Variants in TIAM1 observed in about 807,000 individuals in gnomAD.
TIAM1 encodes TIAM Rac1 associated GEF 1.
TIAM1 carries 65 observed loss-of-function variants against 163.5 expected under a neutral mutation model. The observed-to-expected ratio is 0.40, with a 90% CI of 0.33 to 0.49. The LOEUF is 0.49. Among genes scored for constraint, TIAM1 ranks in the 20% least tolerant of loss-of-function variants. The probability of loss-of-function intolerance (pLI) is 0.77; values close to 1 mark genes in which losing one functional copy is unlikely to be tolerated. For synonymous variants in TIAM1, 833 were observed against 810.1 expected, an observed-to-expected ratio of 1.03 and a Z score of -0.48; for missense variants, 1,789 against 2,044.7, an observed-to-expected ratio of 0.87 and a Z score of 2.41.
At chr21:31,247,999 A>G (rs11701552) in intron 5 of TIAM1, among the ~76,000 whole-genome samples, 8 of 152,164 alleles carry the variant, frequency 5.3e-5, no homozygotes, top group South Asian at 2.1e-4. Flanking sequence ...GGTTGTCACA[A>G]CTTGGGGGAA....
At chr21:31,542,729 G>A (rs2048361113) in intron 1 of TIAM1, among the ~76,000 whole-genome samples, 1 of 152,192 alleles carries the variant, frequency 6.6e-6, no homozygotes, top group African/African-American at 2.4e-5. Flanking sequence ...CACTTTGGGA[G>A]ACTGAGCAGG....
intron 2 of TIAM1, among the ~76,000 whole-genome samples, chr21:31,333,465 T>C (rs544494771): frequency 1.2e-3 from 188 of 152,238 alleles, no homozygotes; most frequent in African/African-American, 4.3e-3. Context: ...TGCGACAGGG[T>C]CTGGCTCCGT....
At chr21:31,261,349 G>A (rs1057465705) in intron 4 of TIAM1, among the ~76,000 whole-genome samples, 2 of 151,162 alleles carry the variant, frequency 1.3e-5, no homozygotes, top group Non-Finnish European at 2.9e-5. Flanking sequence ...TTCAAGCACG[G>A]GGAGGTAGTC....
At chr21:31,424,091 C>T (rs1213689238) in intron 2 of TIAM1, among the ~76,000 whole-genome samples, 1 of 152,128 alleles carries the variant, frequency 6.6e-6, no homozygotes, top group Non-Finnish European at 1.5e-5. Context: ...ATTAAGTTTG[C>T]TCAGAAAAGG....
At chr21:31,423,169 G>A (rs1252814910) in intron 2 of TIAM1, among the ~76,000 whole-genome samples, 4 of 128,768 alleles carry the variant, frequency 3.1e-5, no homozygotes, top group Non-Finnish European at 4.7e-5. Context: ...CATGATCTCC[G>A]CTCACTGCAA....
intron 1 of TIAM1, among the ~76,000 whole-genome samples, chr21:31,541,100 C>T (rs8133413): frequency 0.17 from 25,286 of 152,176 alleles, 2,217 homozygotes; most frequent in Non-Finnish European, 0.18. Flanking sequence ...ACAGAACCCA[C>T]ATCCTGGGAA....
In TIAM1 at chr21:31,357,812, C is replaced by G. The variant is rs28712601; in HGVS notation, c.-368-18390G>C. On this transcript the variant is annotated intron_variant, in intron 2 of 28. Coordinates refer to the TIAM1 transcript ENST00000286827. ...TTGTCTTCATTGTACTTGACCTATT[C>G]TATCAGCAGCATTTGACACCACTGA... Among the ~76,000 whole-genome samples, 442 of 152,324 alleles carry G rather than the reference C, an allele frequency of 2.9e-3. 3 individuals carry two copies. The highest frequency in any genetic ancestry group is 0.01 in the African/African-American group (419 of 41,580).
At chr21:31,519,992 G>A (rs540578409) in intron 1 of TIAM1, among the ~76,000 whole-genome samples, 5 of 152,270 alleles carry the variant, frequency 3.3e-5, no homozygotes, top group African/African-American at 4.8e-5. Flanking sequence ...GTGAGGCAAC[G>A]TTACATTGTA....
intron 2 of TIAM1, among the ~76,000 whole-genome samples, chr21:31,278,777 T>C (rs2073415518): frequency 6.6e-6 from 1 of 152,192 alleles, no homozygotes; most frequent in African/African-American, 2.4e-5. Flanking sequence ...ATATTCCCTT[T>C]CCACAATTCC....
At chr21:31,359,914 G>A (rs1476325187) in intron 2 of TIAM1, among the ~76,000 whole-genome samples, 6 of 152,034 alleles carry the variant, frequency 3.9e-5, no homozygotes, top group Non-Finnish European at 8.8e-5. Flanking sequence ...AGAAAAAAGA[G>A]AACTGGACTG....
intron 2 of TIAM1, among the ~76,000 whole-genome samples, chr21:31,372,644 A>T (rs2076614980): frequency 6.6e-6 from 1 of 152,204 alleles, no homozygotes; most frequent in Non-Finnish European, 1.5e-5. Flanking sequence ...AAAACTAGGT[A>T]GCTAGAGAGG....
At chr21:31,188,019 G>T (rs2186327) in intron 13 of TIAM1, among the ~76,000 whole-genome samples, 29,387 of 151,874 alleles carry the variant, frequency 0.19, 4,296 homozygotes, top group East Asian at 0.4. Context: ...GATACCCATC[G>T]TAATGCTGAG....
chr21:31,422,353 T>A (rs762475295), intron 2 of TIAM1, among the ~76,000 whole-genome samples: 10 of 152,156 alleles, frequency 6.6e-5, no homozygotes, highest in Non-Finnish European at 1.0e-4. Context: ...AATTAAGATT[T>A]TATAAGCAGT....
chr21:31,210,790 G>GAAAGAAAGAAAGA (rs2086836736), intron 10 of TIAM1, among the ~76,000 whole-genome samples: 1 of 147,800 alleles, frequency 6.8e-6, no homozygotes, highest in Admixed American at 6.6e-5. Context: ...AAGAAAGAAA[G>GAAAGAAAGAAAGA]AAAGAAAGAA....
At chr21:31,390,975 G>T (rs970386609) in intron 2 of TIAM1, among the ~76,000 whole-genome samples, 1 of 152,084 alleles carries the variant, frequency 6.6e-6, no homozygotes, top group Admixed American at 6.6e-5. Context: ...TACCAGCCAC[G>T]CCTCTTCTTA....
intron 15 of TIAM1, among the ~76,000 whole-genome samples, chr21:31,167,777 A>C (rs2084307452): frequency 6.6e-6 from 1 of 152,112 alleles, no homozygotes; most frequent in Non-Finnish European, 1.5e-5. Context: ...TCAAAAATGT[A>C]CCCACACATT....
intron 2 of TIAM1, among the ~76,000 whole-genome samples, chr21:31,432,410 T>C (rs1016570393): frequency 6.6e-6 from 1 of 152,180 alleles, no homozygotes; most frequent in African/African-American, 2.4e-5. Flanking sequence ...TTCCATACTC[T>C]TTATTCTGCC....
At chr21:31,144,440 T>G (rs974527331) in intron 20 of TIAM1, among the ~76,000 whole-genome samples, 1 of 152,206 alleles carries the variant, frequency 6.6e-6, no homozygotes, top group African/African-American at 2.4e-5. Flanking sequence ...GGAGCGTCAC[T>G]CCTCCAGGCC....
intron 10 of TIAM1, among the ~76,000 whole-genome samples, chr21:31,210,540 AAG>A (rs2086673585): frequency 1.3e-5 from 1 of 79,466 alleles, no homozygotes; most frequent in Non-Finnish European, 2.3e-5. Flanking sequence ...AAGGAAAAGA[AAG>A]AAAGAAAGAA....
Sources: allele counts gnomAD v4.1 joint callset (sites outside exome capture counted in the v4.1 genomes callset), GRCh38; gene constraint gnomAD v4.1.1; transcripts MANE v1.5; gene names NCBI Gene and HGNC (gene_info 2026-07-23, HGNC 2026-07-21).